Variants in TNC observed in about 807,000 individuals in gnomAD.
TNC encodes the protein tenascin C.
A neutral mutation model predicts 202.4 loss-of-function variants in TNC; 109 were observed. That is an observed-to-expected ratio of 0.54 (90% CI 0.46 to 0.63). The LOEUF (loss-of-function observed/expected upper bound fraction) is 0.63. Ranked by LOEUF, TNC falls within the 30% of genes least tolerant of loss-of-function variation. The pLI, the probability that TNC is intolerant of heterozygous loss-of-function variation, is 0.00. For synonymous variants in TNC, 1,007 were observed against 1,089.7 expected (o/e 0.92, Z 1.50); for missense variants, 2,756 against 2,833.3 (o/e 0.97, Z 0.62).
At chr9:115,029,328 A>G in intron 25 of TNC, 32 bp downstream of exon 25, 1 of 1,604,222 alleles carries the variant, frequency 6.2e-7, no homozygotes, top group East Asian at 2.2e-5. Context: ...AGAATCAGGC[A>G]TTTTAGATAT....
At position 115,064,033 on chromosome 9, in the gene TNC, C is replaced by T. The variant is rs151322118; in HGVS notation, c.3523G>A (p.Glu1175Lys). The change falls in exon 12 of 28, where the codon GAG (glutamate) becomes AAG (lysine). Residue 1175 changes from glutamate to lysine, a missense_variant. Glu to Lys is a moderately conservative substitution (Grantham distance 56). Coordinates refer to ENST00000350763, the MANE Select transcript of TNC (RefSeq NM_002160.4). Reference sequence around the variant, plus strand: ...AGTTTGAGGGCATCCCAGCCCACCTCGGCCACCACGACCTCTCCCAAATTG... The same window carrying T: ...AGTTTGAGGGCATCCCAGCCCACCTTGGCCACCACGACCTCTCCCAAATTG... ...TPNLGEVVVA[E>K]VGWDALKLNW... 5.1e-5 allele frequency: 82 copies of T among 1,612,694 alleles called. No individual in the cohort carries two copies. Among genetic ancestry groups the T allele is most frequent in the African/African-American group, 2.4e-4 (18 of 74,898 alleles).
chr9:115,099,238 G>A (rs936932683), intron 1 of TNC, among the ~76,000 whole-genome samples: 5 of 152,076 alleles, frequency 3.3e-5, no homozygotes, highest in Admixed American at 1.3e-4. Flanking sequence ...GTGTAAGAAC[G>A]GGCTATGGGA....
intron 1 of TNC, among the ~76,000 whole-genome samples, chr9:115,110,965 C>T (rs571335057): frequency 9.3e-5 from 14 of 150,766 alleles, no homozygotes; most frequent in Non-Finnish European, 1.5e-4. Flanking sequence ...CTGCAAGCTC[C>T]GCCTCCCAGG....
Position 115,084,436 on chromosome 9 carries a change from G to T in TNC, c.1904C>A (p.Thr635Lys). ...CCAGGCCAGGTTGACCGTCTCTTCCGTCACTTCTGTCACAACGAGGTCTTT... is the reference window on the plus strand; with the variant it reads ...CCAGGCCAGGTTGACCGTCTCTTCCTTCACTTCTGTCACAACGAGGTCTTT... Reference protein sequence around the residue: ...PPKDLVVTEVTEETVNLAWDN... With the variant: ...PPKDLVVTEVKEETVNLAWDN... The change falls in exon 4 of 28, where the codon ACG becomes AAG. Residue 635 changes from threonine to lysine, a missense_variant. Physicochemically the swap from Thr to Lys is moderately conservative, Grantham distance 78. Coordinates refer to ENST00000350763, the MANE Select transcript of TNC (RefSeq NM_002160.4). 1 of 1,614,152 alleles carries T rather than the reference G, an allele frequency of 6.2e-7. No individual in the cohort carries two copies. The highest frequency in any genetic ancestry group is 8.5e-7 in the Non-Finnish European group (1 of 1,180,010).
Position 115,086,183 on chromosome 9 carries a change from G to A in TNC, c.1548C>T (p.Cys516=), listed in dbSNP as rs1160824636. 9.9e-6 allele frequency: 16 copies of A among 1,614,062 alleles called. No homozygotes were observed. The highest frequency in any genetic ancestry group is 6.6e-5 in the South Asian group (6 of 91,082). The part of the protein sequence containing the change: ...SNRGLCVDGQ[C]VCEDGFTGPD... ...GGCCGGTGAAGCCGTCCTCACAGAC[G>A]CACTGTCCGTCCACACAGAGGCCCC... Residue 516 remains cysteine (C), a synonymous_variant, in exon 3 of 28, where the codon TGC becomes TGT. Coordinates refer to ENST00000350763, the MANE Select transcript of TNC (RefSeq NM_002160.4).
At chr9:115,030,106 C>G (rs1829831500) in intron 24 of TNC, 148 bp downstream of exon 24, 1 of 762,822 alleles carries the variant, frequency 1.3e-6, no homozygotes, top group East Asian at 2.6e-5. Context: ...TTCCTGAGTG[C>G]CTCTGTGTGA....
intron 22 of TNC, among the ~76,000 whole-genome samples, chr9:115,032,040 T>C (rs560360676): frequency 2.6e-5 from 4 of 152,344 alleles, no homozygotes; most frequent in African/African-American, 7.2e-5. Context: ...GGGATTGTAA[T>C]GGTTAATTTT....
chr9:115,087,574 C>A (rs1406409660), intron 2 of TNC, among the ~76,000 whole-genome samples: 1 of 144,198 alleles, frequency 6.9e-6, no homozygotes, highest in South Asian at 2.3e-4. Context: ...GTATTTCCAC[C>A]CCTGGGGAGC....
Position 115,036,084 on chromosome 9 carries a change from CAG to C in TNC, c.5656+12_5656+13del. 2 of 1,613,990 alleles carry C rather than the reference CAG, an allele frequency of 1.2e-6. No individual in the cohort carries two copies. Among genetic ancestry groups the C allele is most frequent in the Non-Finnish European group, 1.7e-6 (2 of 1,179,914 alleles). ...CCCAGAAGGGAGAGCTTCCAGCTCT[CAG>C]TGTCTTTGTACCTGTTGTGAACTTG... is the stretch of plus-strand genomic sequence containing the variant. On this transcript the variant is annotated intron_variant, in intron 21 of 27. Transcript: ENST00000350763.
In TNC at chr9:115,073,755, A is replaced by T. The variant is rs1162918518; in HGVS notation, c.3062T>A (p.Leu1021His). 6.2e-7 allele frequency: 1 copy of T among 1,613,924 alleles called. No individual in the cohort carries two copies. The highest frequency in any genetic ancestry group is 1.7e-5 in the Admixed American group (1 of 59,982). The change falls in exon 10 of 28, where the codon CTC (leucine) becomes CAC (histidine). Residue 1021 changes from leucine (L) to histidine (H), a missense_variant. Leu to His is a moderately conservative substitution (Grantham distance 99, BLOSUM62 -3). Coordinates refer to ENST00000350763, the MANE Select transcript of TNC (RefSeq NM_002160.4). ...KFDRYRLNYS[L>H]PTGQWVGVQL... is the part of the protein sequence containing the mutation. ...CACTCCCACCCACTGGCCTGTGGGG[A>T]GACTGTAATTGAGGCGGTAGCGGTC... is the stretch of plus-strand genomic sequence containing the variant.
intron 26 of TNC, among the ~76,000 whole-genome samples, chr9:115,026,314 G>T (rs1371508709): frequency 6.6e-6 from 1 of 152,050 alleles, no homozygotes; most frequent in Non-Finnish European, 1.5e-5. Flanking sequence ...AATCCTGATT[G>T]CCCTGATTCC....
intron 18 of TNC, 96 bp from the exon 19 acceptor site, chr9:115,041,180 A>G: frequency 7.3e-7 from 1 of 1,362,818 alleles, no homozygotes; most frequent in Non-Finnish European, 9.9e-7. Flanking sequence ...TAGAAATGAA[A>G]CTATATCTTC....
chr9:115,038,219 A>G, intron 20 of TNC, 42 bp downstream of exon 20: 10 of 1,595,538 alleles, frequency 6.3e-6, no homozygotes, highest in South Asian at 1.1e-5. Context: ...ACAGCAGGAA[A>G]GACACTCCTT....
Position 115,020,958 on chromosome 9 carries a change from G to A in TNC, c.*199C>T. The A allele has an allele frequency of 1.8e-6, 1 of 546,728 alleles. No homozygotes were observed. Among genetic ancestry groups the A allele is most frequent in the South Asian group, 2.6e-5 (1 of 38,606 alleles). 33.9% of individuals were successfully genotyped at this position (546,728 alleles called of 1,614,324 possible). A position where few individuals can be genotyped will look rare whatever the true frequency, so the allele number is the denominator to read the frequency against. On this transcript the variant is annotated 3_prime_UTR_variant, in exon 28 of 28. Coordinates refer to ENST00000350763, the MANE Select transcript of TNC (RefSeq NM_002160.4). The stretch of plus-strand genomic sequence containing the variant: ...AAACAGAAACATGTTGGAGACTGAT[G>A]TCTTTGGTGCAAAGAAAGAAATCAC...
chr9:115,085,742 A>G (rs976010306), intron 3 of TNC, 122 bp downstream of exon 3: 4 of 978,382 alleles, frequency 4.1e-6, no homozygotes, highest in Non-Finnish European at 5.9e-6. Context: ...AAATGGATAT[A>G]TTAATACGTA....
intron 1 of TNC, among the ~76,000 whole-genome samples, chr9:115,115,728 C>A (rs1588260483): frequency 6.6e-6 from 1 of 152,136 alleles, no homozygotes; most frequent in Non-Finnish European, 1.5e-5. Flanking sequence ...GAATGGCAAC[C>A]AGAATGCACA....
rs1835398531 is a variant in TNC at position 115,093,648 on chromosome 9, A to G, written c.-136-2494T>C. Among the ~76,000 whole-genome samples, 4 of 145,170 alleles carry G rather than the reference A, an allele frequency of 2.8e-5. No individual in the cohort carries two copies. In the South Asian group the frequency reaches 8.7e-4, roughly 31 times the overall value. On this transcript the variant is annotated intron_variant, in intron 1 of 27. Coordinates refer to ENST00000350763, the MANE Select transcript of TNC (RefSeq NM_002160.4). ...TTTTTTTTTTTTTTTAGAAAGGGCC[A>G]TGGGCCAAGTTTGAAATGTTTTTGG...
chr9:115,081,971 A>G (rs1054670549), intron 5 of TNC, 43 bp from the exon 6 acceptor site: 1 of 1,535,246 alleles, frequency 6.5e-7, no homozygotes, highest in Non-Finnish European at 8.8e-7. Flanking sequence ...GGGAGGTGCC[A>G]GTCTCTTAAT....
intron 6 of TNC, among the ~76,000 whole-genome samples, 191 bp downstream of exon 6, chr9:115,081,581 C>T (rs1452630661): frequency 1.3e-5 from 2 of 152,208 alleles, no homozygotes; most frequent in Non-Finnish European, 2.9e-5. Flanking sequence ...AGATAAGCTG[C>T]TCAGCTGAGC....
Sources: allele counts gnomAD v4.1 joint callset (sites outside exome capture counted in the v4.1 genomes callset), GRCh38; gene constraint gnomAD v4.1.1; transcripts MANE v1.5; gene names NCBI Gene and HGNC (gene_info 2026-07-23, HGNC 2026-07-21).